Variants in RPS6KC1 observed in about 807,000 individuals in gnomAD.
The protein encoded by RPS6KC1 is inactive ribosomal protein S6 kinase delta-1.
RPS6KC1 carries 54 observed loss-of-function variants against 103.8 expected under a neutral mutation model. That is an observed-to-expected ratio of 0.52 (90% CI 0.42 to 0.65). The LOEUF (loss-of-function observed/expected upper bound fraction) is 0.65, where lower values mean the gene tolerates loss of function less well. RPS6KC1 is among the 30% of genes least tolerant of loss of function. RPS6KC1 has a pLI of 0.00. For synonymous variants in RPS6KC1, 439 were observed against 438.7 expected (o/e 1.00, Z -0.01); for missense variants, 1,151 against 1,253.8 (o/e 0.92, Z 1.24).
the RPS6KC1 span, among the ~76,000 whole-genome samples, chr1:213,810,213 G>T: frequency 6.6e-6 from 1 of 152,212 alleles, no homozygotes; most frequent in African/African-American, 2.4e-5. Context: ...CAAGCCTGAG[G>T]AGGAGGAGGG....
the RPS6KC1 span, among the ~76,000 whole-genome samples, chr1:213,506,836 T>TG: frequency 6.6e-6 from 1 of 152,210 alleles, no homozygotes; most frequent in Non-Finnish European, 1.5e-5. Flanking sequence ...TAATAATTCC[T>TG]GGGGGATTTT....
At chr1:213,732,348 A>AGTGTGTGT in the RPS6KC1 span, among the ~76,000 whole-genome samples, 3,138 of 79,104 alleles carry the variant, frequency 0.04, 45 homozygotes, top group Middle Eastern at 0.1. Flanking sequence ...TGTATGTATG[A>AGTGTGTGT]GTGTGCGTGT....
chr1:213,518,056 G>T, the RPS6KC1 span, among the ~76,000 whole-genome samples: 1 of 152,142 alleles, frequency 6.6e-6, no homozygotes, highest in African/African-American at 2.4e-5. Flanking sequence ...TGCAACCCCA[G>T]AAAGGCATGT....
the RPS6KC1 span, among the ~76,000 whole-genome samples, chr1:213,281,324 T>G: frequency 6.6e-6 from 1 of 152,248 alleles, no homozygotes; most frequent in African/African-American, 2.4e-5. Context: ...TGGATAGAAT[T>G]TGCTATTTTG....
At chr1:213,242,759 A>T (rs1017823718) in intron 12 of RPS6KC1, 101 bp downstream of exon 12, 5 of 903,032 alleles carry the variant, frequency 5.5e-6, no homozygotes, top group African/African-American at 1.7e-5. Flanking sequence ...AGCAGTTTAC[A>T]TATGTGTTGG....
the RPS6KC1 span, among the ~76,000 whole-genome samples, chr1:213,409,721 T>G: frequency 1.3e-5 from 2 of 152,240 alleles, no homozygotes; most frequent in Non-Finnish European, 2.9e-5. Context: ...ATGTGTTTAG[T>G]GCATGCTCTG....
chr1:213,860,638 G>C, the RPS6KC1 span, among the ~76,000 whole-genome samples: 16 of 152,144 alleles, frequency 1.1e-4, no homozygotes, highest in Non-Finnish European at 1.6e-4. Flanking sequence ...TTCTAGCAAG[G>C]GGACAGAGTC....
At chr1:213,456,885 A>G in the RPS6KC1 span, among the ~76,000 whole-genome samples, 1 of 152,182 alleles carries the variant, frequency 6.6e-6, no homozygotes, top group Non-Finnish European at 1.5e-5. Context: ...GTAGTTTCTT[A>G]ATGTGGCTAT....
the RPS6KC1 span, among the ~76,000 whole-genome samples, chr1:213,392,930 T>C: frequency 6.6e-6 from 1 of 152,232 alleles, no homozygotes; most frequent in African/African-American, 2.4e-5. Flanking sequence ...GCTGGCTCTT[T>C]CTTTTCATTT....
At chr1:213,692,664 T>C in the RPS6KC1 span, among the ~76,000 whole-genome samples, 1 of 152,164 alleles carries the variant, frequency 6.6e-6, no homozygotes, top group Non-Finnish European at 1.5e-5. Flanking sequence ...TGAGATATTA[T>C]TCCCTTACCA....
intron 4 of RPS6KC1, among the ~76,000 whole-genome samples, chr1:213,115,814 A>G (rs953462838): frequency 6.6e-6 from 1 of 152,204 alleles, no homozygotes; most frequent in East Asian, 1.9e-4. Context: ...TTATGTACGC[A>G]GTAGTCATTC....
chr1:213,196,664 C>T (rs1201608835), intron 8 of RPS6KC1, among the ~76,000 whole-genome samples: 8 of 152,036 alleles, frequency 5.3e-5, no homozygotes, highest in East Asian at 1.9e-4. Context: ...TTGTGTAAGG[C>T]GAGAGATGAG....
the RPS6KC1 span, among the ~76,000 whole-genome samples, chr1:213,711,510 G>A: frequency 2.6e-5 from 4 of 152,096 alleles, no homozygotes; most frequent in African/African-American, 7.2e-5. Context: ...GGCTACTTCT[G>A]TCAATTCATT....
chr1:213,085,563 T>G (rs1008786594), intron 3 of RPS6KC1, among the ~76,000 whole-genome samples: 10 of 152,210 alleles, frequency 6.6e-5, no homozygotes, highest in Admixed American at 5.2e-4. Flanking sequence ...CATTGATGAT[T>G]CTTGCCTGAC....
At chr1:213,448,225 CAAAAAAAA>C in the RPS6KC1 span, among the ~76,000 whole-genome samples, 8 of 75,816 alleles carry the variant, frequency 1.1e-4, no homozygotes, top group African/African-American at 2.3e-4. Context: ...GTGAGACTGT[CAAAAAAAA>C]AAAAAAAAAA....
chr1:213,594,938 A>C, the RPS6KC1 span, among the ~76,000 whole-genome samples: 1 of 152,144 alleles, frequency 6.6e-6, no homozygotes, highest in Non-Finnish European at 1.5e-5. Context: ...TGTTGAAAAA[A>C]ATCTTGGCCT....
At chr1:213,485,445 G>A in the RPS6KC1 span, among the ~76,000 whole-genome samples, 1 of 152,072 alleles carries the variant, frequency 6.6e-6, no homozygotes. Flanking sequence ...GGAGGTAAAT[G>A]CTGAAAGGAT....
intron 6 of RPS6KC1, among the ~76,000 whole-genome samples, chr1:213,154,305 A>G (rs974884899): frequency 6.6e-6 from 1 of 152,240 alleles, no homozygotes; most frequent in Admixed American, 6.5e-5. Context: ...GTCAGCAGGC[A>G]GCAAAGCCAG....
intron 3 of RPS6KC1, among the ~76,000 whole-genome samples, chr1:213,099,780 C>G (rs2081847826): frequency 6.6e-6 from 1 of 152,092 alleles, no homozygotes; most frequent in Non-Finnish European, 1.5e-5. Flanking sequence ...CCTCCTGCAG[C>G]ATGTTTTTGG....
Sources: allele counts gnomAD v4.1 joint callset (sites outside exome capture counted in the v4.1 genomes callset), GRCh38; gene constraint gnomAD v4.1.1; transcripts MANE v1.5; gene names NCBI Gene and HGNC (gene_info 2026-07-23, HGNC 2026-07-21).